The following RUVBL1 variants were observed in gnomAD, a reference collection of about 807,000 sequenced individuals.
The protein encoded by RUVBL1 is RuvB like AAA ATPase 1.
RUVBL1 carries 4 observed loss-of-function variants against 52.4 expected under a neutral mutation model. The ratio of observed to expected loss-of-function variants is 0.08; its 90% CI spans 0.04 to 0.17. The LOEUF (loss-of-function observed/expected upper bound fraction) is 0.17. RUVBL1 is among the 10% of genes least tolerant of loss of function. The pLI is 1.00. For missense variants in RUVBL1, 298 were observed against 572.8 expected (o/e 0.52, Z 4.90); for synonymous variants, 217 against 214.4 (o/e 1.01, Z -0.10).
intron 4 of RUVBL1, 128 bp from the exon 5 acceptor site, chr3:128,101,776 G>C (rs1943113415): frequency 2.3e-6 from 2 of 864,522 alleles, no homozygotes; most frequent in African/African-American, 1.7e-5. Context: ...TTTTGCGTTT[G>C]CATGAATACT....
In RUVBL1 at chr3:128,109,132, G is replaced by A. The variant is rs186143034; in HGVS notation, c.361+3756C>T. Among the ~76,000 whole-genome samples, 552 of 152,296 alleles carry A rather than the reference G, an allele frequency of 3.6e-3. 3 individuals carry two copies. Among genetic ancestry groups the A allele is most frequent in the Admixed American group, 5.8e-3 (88 of 15,294 alleles). The stretch of plus-strand genomic sequence containing the variant: ...AGAGGAAGGGGTTGTGACCAGGGAG[G>A]GACACATGTCTGAGGTGCTGGCCGT... On this transcript the variant is annotated intron_variant, in intron 3 of 10. Transcript: ENST00000322623.
chr3:128,103,822 A>G lies in RUVBL1; in HGVS notation c.513+951T>C, dbSNP rs76862213. Among the ~76,000 whole-genome samples the G allele has an allele frequency of 5.0e-3, 767 of 152,354 alleles. 7 individuals are homozygous for G. The highest frequency in any genetic ancestry group is 0.017 in the African/African-American group (725 of 41,580). On this transcript the variant is annotated intron_variant, in intron 4 of 10. Transcript: ENST00000322623. ...TACACATATAAAGTTATGAATGACAATAAATGTTTGTTGAAGCACTTAGTC... is the reference window on the plus strand; with the variant it reads ...TACACATATAAAGTTATGAATGACAGTAAATGTTTGTTGAAGCACTTAGTC...
At position 128,097,343 on chromosome 3, in the gene RUVBL1, G is replaced by C; in HGVS notation, c.973C>G (p.Pro325Ala). 12 of 1,614,206 alleles carry C rather than the reference G, an allele frequency of 7.4e-6. No individual in the cohort carries two copies. The highest frequency in any genetic ancestry group is 1.0e-5 in the Non-Finnish European group (12 of 1,180,050). Residue 325 changes from proline to alanine, a missense_variant, in exon 8 of 11, where the codon CCC becomes GCC. By Grantham distance (27) the Pro-to-Ala change is conservative. Around this residue, in one of 5 missense-constraint regions of RUVBL1, gnomAD observed 161 missense variants for 298.3 expected, o/e 0.54. Transcript: ENST00000322623. ...CGGTTGGATGCAAAGATGACGATGGGAGCGATAGAAGACTCCAGGGCGCGG... is the reference window on the plus strand; with the variant it reads ...CGGTTGGATGCAAAGATGACGATGGCAGCGATAGAAGACTCCAGGGCGCGG... Reference protein sequence around the residue: ...LHRALESSIAPIVIFASNRGN... With the variant: ...LHRALESSIAAIVIFASNRGN...
At chr3:128,153,413 C>T (rs1042720984) in exon 1 of RUVBL1, 2 of 1,416,388 alleles carry the variant, frequency 1.4e-6, no homozygotes, top group Non-Finnish European at 1.8e-6. Context: ...CACAGCGCGC[C>T]GGTTACGGGG....
intron 1 of RUVBL1, among the ~76,000 whole-genome samples, chr3:128,120,095 T>C (rs1943609466): frequency 6.6e-6 from 1 of 152,194 alleles, no homozygotes; most frequent in Non-Finnish European, 1.5e-5. Flanking sequence ...GGAACACTGA[T>C]TTTTGGCCCA....
chr3:128,115,256 C>T (rs1377377421), intron 2 of RUVBL1, among the ~76,000 whole-genome samples: 3 of 152,196 alleles, frequency 2.0e-5, no homozygotes, highest in African/African-American at 7.2e-5. Context: ...CCCCAATCTC[C>T]AAAGCCATTT....
At chr3:128,128,007 AATACATACATACATACATAC>A (rs57824701), upstream of RUVBL1, among the ~76,000 whole-genome samples, 5 of 148,886 alleles carry the variant, frequency 3.4e-5, no homozygotes, top group African/African-American at 7.5e-5. Context: ...AAAAATAATA[AATACATACATACATACATAC>A]ATACATACAT....
At chr3:128,115,642 CA>C (rs372462008) in intron 2 of RUVBL1, among the ~76,000 whole-genome samples, 16 of 151,908 alleles carry the variant, frequency 1.1e-4, no homozygotes, top group African/African-American at 2.9e-4. Context: ...ACAATATCAC[CA>C]AAAAAAATGA....
At chr3:128,153,815 T>G in exon 1 of RUVBL1, 1 of 1,506,884 alleles carries the variant, frequency 6.6e-7, no homozygotes, top group Non-Finnish European at 8.8e-7. Context: ...ATCCGGACCA[T>G]CATCGGCGGT....
At chr3:128,089,831 G>A (rs569297680) in intron 8 of RUVBL1, among the ~76,000 whole-genome samples, 2 of 143,126 alleles carry the variant, frequency 1.4e-5, no homozygotes, top group African/African-American at 5.2e-5. Context: ...AATCGCTTGA[G>A]CCCAGGAGGA....
chr3:128,138,906 C>T (rs1031950510), intron 1 of RUVBL1, among the ~76,000 whole-genome samples: 3 of 152,118 alleles, frequency 2.0e-5, no homozygotes, highest in African/African-American at 7.2e-5. Flanking sequence ...CAAATCCATA[C>T]ATTTACAATG....
At position 128,143,103 on chromosome 3, in the gene RUVBL1, G is replaced by C. The variant is rs540123224; in HGVS notation, c.-40+10100C>G. ...GACCCTCCTGCCACTCTCTTATAAG[G>C]TCCCTTCATGATTACACCAGGCCCA... On this transcript the variant is annotated intron_variant, in intron 1 of 9. Coordinates refer to the RUVBL1 transcript ENST00000464873. Among the ~76,000 whole-genome samples, 6 of 150,940 alleles carry C rather than the reference G, an allele frequency of 4.0e-5. No homozygotes were observed. The South Asian group carries it at 1.3e-3, about 32-fold the overall frequency.
In RUVBL1 at chr3:128,145,539, C is replaced by T. The variant is rs768198368; in HGVS notation, c.-40+7664G>A. ...AGGGCGTGCCAGCCCAAGGAAGTAG[C>T]CCGCGGGCGAGTGTTGGGGTGGGGT... On this transcript the variant is annotated intron_variant, in intron 1 of 9. Coordinates refer to the RUVBL1 transcript ENST00000464873. 1.4e-4 allele frequency among the ~76,000 whole-genome samples: 21 copies of T among 152,208 alleles called. 1 individual carries two copies. The highest frequency in any genetic ancestry group is 2.0e-4 in the Admixed American group (3 of 15,292).
At position 128,153,473 on chromosome 3, in the gene RUVBL1, C is replaced by T. The variant is rs376538221; in HGVS notation, c.-310G>A. ...GGCGACTACCGAGGGAGGTGAGGGG[C>T]GGGCCGGGCGGGTGTCCGAGGCGGC... On this transcript the variant is annotated 5_prime_UTR_variant, in exon 1 of 10. Transcript: ENST00000464873. 2.1e-5 allele frequency: 31 copies of T among 1,459,402 alleles called. No homozygotes were observed. The African/African-American group carries it at 4.0e-4, about 19-fold the overall frequency. 90.4% of individuals were successfully genotyped at this position (1,459,402 alleles called of 1,614,324 possible).
chr3:128,147,313 T>C (rs1944120598), intron 1 of RUVBL1, among the ~76,000 whole-genome samples: 1 of 152,032 alleles, frequency 6.6e-6, no homozygotes, highest in Non-Finnish European at 1.5e-5. Flanking sequence ...CAAATGATCT[T>C]CCCACCTTGG....
At chr3:128,128,748 G>A (rs1943833748), upstream of RUVBL1, among the ~76,000 whole-genome samples, 1 of 152,186 alleles carries the variant, frequency 6.6e-6, no homozygotes. Flanking sequence ...TGTAAAGAGA[G>A]GAGAAGATAG....
intron 1 of RUVBL1, among the ~76,000 whole-genome samples, chr3:128,120,202 C>A (rs1025238067): frequency 2.6e-5 from 4 of 152,102 alleles, no homozygotes; most frequent in African/African-American, 9.7e-5. Flanking sequence ...GAGAAAGGAT[C>A]CATAGCTTTC....
exon 1 of RUVBL1, chr3:128,153,632 G>C: frequency 6.3e-7 from 1 of 1,598,052 alleles, no homozygotes; most frequent in East Asian, 2.3e-5. Context: ...CAGCCGCAGA[G>C]CCGCGAGCGC....
At chr3:128,072,504 G>A (rs1019555541) in intron 9 of RUVBL1, among the ~76,000 whole-genome samples, 2 of 152,210 alleles carry the variant, frequency 1.3e-5, no homozygotes, top group Admixed American at 6.5e-5. Flanking sequence ...GGACAGGTGT[G>A]GGCCTGGCCT....
Sources: gnomAD v4.1 joint callset for allele counts (sites outside exome capture counted in the v4.1 genomes callset) on GRCh38, gnomAD v4.1.1 for gene constraint, gnomAD v4.1.1 regional missense constraint, MANE v1.5 for transcripts, NCBI Gene and HGNC (gene_info 2026-07-23, HGNC 2026-07-21) for gene names.